Variants in CELF2 observed in about 807,000 individuals in gnomAD.
CELF2 encodes CUGBP Elav-like family member 2.
In CELF2, 8 loss-of-function variants were observed where a neutral mutation model predicts 62.6. The observed-to-expected ratio is 0.13, with a 90% CI of 0.07 to 0.23. CELF2 has a LOEUF of 0.23. Among genes scored for constraint, CELF2 ranks in the 10% least tolerant of loss-of-function variants. CELF2 has a pLI of 1.00. For synonymous variants in CELF2, 258 were observed against 250.0 expected (o/e 1.03, Z -0.30); for missense variants, 333 against 671.0 (o/e 0.50, Z 5.56).
At chr10:10,734,092 A>T in the CELF2 span, among the ~76,000 whole-genome samples, 5 of 149,222 alleles carry the variant, frequency 3.4e-5, no homozygotes, top group Non-Finnish European at 7.4e-5. Context: ...CTACATGTTC[A>T]TTTTTTTTTT....
chr10:10,814,651 C>T (rs2056277396), intron 1 of CELF2, among the ~76,000 whole-genome samples: 1 of 152,112 alleles, frequency 6.6e-6, no homozygotes, highest in South Asian at 2.1e-4. Context: ...TTGAGCTGGC[C>T]CTGGGCCAAA....
intron 1 of CELF2, among the ~76,000 whole-genome samples, chr10:10,819,768 T>C (rs1267310112): frequency 1.3e-5 from 2 of 152,174 alleles, no homozygotes; most frequent in Non-Finnish European, 2.9e-5. Context: ...GCTAATAGAA[T>C]GTCTTAGGTT....
At chr10:10,536,696 C>T in the CELF2 span, among the ~76,000 whole-genome samples, 1 of 152,068 alleles carries the variant, frequency 6.6e-6, no homozygotes. Context: ...GATGAGGGTG[C>T]CGACAGGGAC....
intron 1 of CELF2, among the ~76,000 whole-genome samples, chr10:11,055,959 G>C (rs149119243): frequency 6.6e-6 from 1 of 152,312 alleles, no homozygotes; most frequent in Non-Finnish European, 1.5e-5. Flanking sequence ...GCAGATAGGG[G>C]AGCCACAGAG....
chr10:10,798,964 C>T, intron 1 of CELF2: 1 of 396,774 alleles, frequency 2.5e-6, no homozygotes, highest in Non-Finnish European at 4.4e-6. Flanking sequence ...AGTGGGAAGA[C>T]TGTTCGGAGG....
chr10:10,913,099 C>T (rs545702703), intron 1 of CELF2, among the ~76,000 whole-genome samples: 1 of 152,030 alleles, frequency 6.6e-6, no homozygotes, highest in East Asian at 1.9e-4. Context: ...TGTTTGTATA[C>T]AGACACACAC....
chr10:10,590,536 T>C, the CELF2 span, among the ~76,000 whole-genome samples: 1 of 152,146 alleles, frequency 6.6e-6, no homozygotes, highest in South Asian at 2.1e-4. Context: ...CTATTCTACC[T>C]CTAATTCCCT....
chr10:11,034,830 C>T (rs747907637), intron 1 of CELF2, among the ~76,000 whole-genome samples: 15 of 152,058 alleles, frequency 9.9e-5, no homozygotes, highest in African/African-American at 1.7e-4. Flanking sequence ...GTAATTTACC[C>T]GGGATTGGGA....
the CELF2 span, among the ~76,000 whole-genome samples, chr10:10,625,482 T>A: frequency 1.3e-5 from 2 of 152,226 alleles, no homozygotes; most frequent in African/African-American, 4.8e-5. Flanking sequence ...CCTTCTATTT[T>A]CGTGGAACAA....
chr10:10,476,194 A>T, the CELF2 span, among the ~76,000 whole-genome samples: 1 of 142,408 alleles, frequency 7.0e-6, no homozygotes, highest in Non-Finnish European at 1.5e-5. Context: ...TTGTGTTTAC[A>T]AGGAAAGATT....
chr10:10,563,492 C>A, the CELF2 span, among the ~76,000 whole-genome samples: 1 of 151,806 alleles, frequency 6.6e-6, no homozygotes, highest in African/African-American at 2.4e-5. Flanking sequence ...GGCCTGTAAT[C>A]CCAGACTTGG....
chr10:10,477,594 G>A, the CELF2 span, among the ~76,000 whole-genome samples: 19 of 152,152 alleles, frequency 1.2e-4, no homozygotes, highest in African/African-American at 4.3e-4. Context: ...AGTTTTCTAG[G>A]CCGAGTGCTG....
Position 11,098,784 on chromosome 10 carries a change from T to G in CELF2, c.75-66702T>G, listed in dbSNP as rs1276291077. Reference sequence around the variant, plus strand: ...ATCTGTGTGGTTAATTTCTATGAACTGCTGGACAGCTGATTTGACCGAGGC... The same window carrying G: ...ATCTGTGTGGTTAATTTCTATGAACGGCTGGACAGCTGATTTGACCGAGGC... On this transcript the variant is annotated intron_variant, in intron 1 of 12. Transcript: ENST00000633077. This position sits in a 1 kb window ranked among gnomAD's most constrained non-coding sequence, Gnocchi z 4.0. Among the ~76,000 whole-genome samples, 1 of 152,234 alleles carries G rather than the reference T, an allele frequency of 6.6e-6. No individual in the cohort carries two copies. The highest frequency in any genetic ancestry group is 6.5e-5 in the Admixed American group (1 of 15,282).
At chr10:10,633,756 T>A in the CELF2 span, among the ~76,000 whole-genome samples, 1 of 152,086 alleles carries the variant, frequency 6.6e-6, no homozygotes, top group African/African-American at 2.4e-5. Context: ...AATTTGACCC[T>A]TCTACCGTTT....
the CELF2 span, among the ~76,000 whole-genome samples, chr10:10,661,888 C>T: frequency 2.0e-5 from 3 of 152,164 alleles, no homozygotes; most frequent in Admixed American, 2.0e-4. Context: ...AGTTCTAGAG[C>T]ATCTCATCTC....
At chr10:10,932,670 ATGTGTATGTGTG>A (rs1564840672) in intron 2 of CELF2, among the ~76,000 whole-genome samples, 2 of 120,556 alleles carry the variant, frequency 1.7e-5, no homozygotes, top group African/African-American at 2.9e-5. Flanking sequence ...GTAAATATGT[ATGTGTATGTGTG>A]TGTGTGTGTG....
chr10:10,940,534 C>A (rs368523655), intron 2 of CELF2, among the ~76,000 whole-genome samples: 82 of 152,298 alleles, frequency 5.4e-4, no homozygotes, highest in African/African-American at 1.9e-3. Flanking sequence ...GGTTCTGTGT[C>A]ACACAAATGG....
Position 11,237,146 on chromosome 10 carries a change from C to T in CELF2, c.355-12007C>T, listed in dbSNP as rs2071702657. Among the ~76,000 whole-genome samples the T allele has an allele frequency of 6.6e-6, 1 of 152,150 alleles. No individual in the cohort carries two copies. The highest frequency in any genetic ancestry group is 2.4e-5 in the African/African-American group (1 of 41,424). On this transcript the variant is annotated intron_variant, in intron 3 of 12. Coordinates refer to ENST00000633077, the MANE Select transcript of CELF2 (RefSeq NM_001326342.2). This position sits in a 1 kb window ranked among gnomAD's most constrained non-coding sequence, Gnocchi z 4.0. ...GGATCCAGGTGAGCAGGAATGAAAA[C>T]CTCACTAGGGCTGTAGCCGTGGAAA...
the CELF2 span, among the ~76,000 whole-genome samples, chr10:10,593,819 A>G: frequency 6.6e-6 from 1 of 152,332 alleles, no homozygotes; most frequent in African/African-American, 2.4e-5. Flanking sequence ...CACATTCCAC[A>G]CATGAGACTT....
Sources: allele counts gnomAD v4.1 joint callset (sites outside exome capture counted in the v4.1 genomes callset), GRCh38; gene constraint gnomAD v4.1.1; non-coding constraint Gnocchi (gnomAD v3.1); transcripts MANE v1.5; gene names NCBI Gene and HGNC (gene_info 2026-07-23, HGNC 2026-07-21).